GOLGA7B: variants seen among roughly 807,000 people sequenced by gnomAD.
GOLGA7B encodes golgin subfamily A member 7B.
Under a neutral mutation model 21.5 loss-of-function variants are expected in GOLGA7B, and 17 were observed. The ratio of observed to expected loss-of-function variants is 0.79; its 90% confidence interval spans 0.54 to 1.19. The LOEUF (loss-of-function observed/expected upper bound fraction) is 1.19, where lower values mean the gene tolerates loss of function less well. Among genes scored for constraint, GOLGA7B ranks in the 50% most tolerant of loss-of-function variants. The probability of loss-of-function intolerance (pLI) is 0.00; values close to 1 mark genes in which losing one functional copy is unlikely to be tolerated. For synonymous variants in GOLGA7B, 87 were observed against 84.0 expected (o/e 1.04, Z -0.19); for missense variants, 169 against 224.4 (o/e 0.75, Z 1.58).
rs113698087 is a variant in GOLGA7B at position 97,862,999 on chromosome 10, G to C, written c.139-931G>C. On this transcript the variant is annotated intron_variant, in intron 2 of 4. Coordinates refer to ENST00000370602, the MANE Select transcript of GOLGA7B (RefSeq NM_001010917.3). The stretch of plus-strand genomic sequence containing the variant: ...AGACGGGCCCAGGGGTAGCAGGGTC[G>C]GGCCATGGAGGGCCTAGCGGGCATT... Among the ~76,000 whole-genome samples the C allele has an allele frequency of 2.7e-3, 406 of 152,294 alleles. 4 individuals are homozygous for C. Among genetic ancestry groups the C allele is most frequent in the African/African-American group, 9.4e-3 (392 of 41,568 alleles).
chr10:97,850,116 G>T lies in GOLGA7B; in HGVS notation c.-188G>T, dbSNP rs934405428. 5.3e-6 allele frequency: 1 copy of T among 189,928 alleles called. No homozygotes were observed. The highest frequency in any genetic ancestry group is 2.4e-5 in the African/African-American group (1 of 41,742). The allele number at this position is 189,928 out of a possible 1,614,324, so 11.8% of individuals were successfully genotyped here. On this transcript the variant is annotated 5_prime_UTR_variant, in exon 1 of 5. Coordinates refer to ENST00000370602, the MANE Select transcript of GOLGA7B (RefSeq NM_001010917.3). Reference sequence around the variant, plus strand: ...CACAGCGGACAGCGCCGCGCCCCTTGCCTGGACCCAGCCGCCCGCCCGCCC... The same window carrying T: ...CACAGCGGACAGCGCCGCGCCCCTTTCCTGGACCCAGCCGCCCGCCCGCCC...
intron 1 of GOLGA7B, among the ~76,000 whole-genome samples, chr10:97,856,379 G>A (rs372105121): frequency 1.3e-5 from 2 of 152,138 alleles, no homozygotes; most frequent in East Asian, 3.8e-4. Flanking sequence ...ATGGCCTCCA[G>A]CTCCACTCAT....
chr10:97,853,197 T>G (rs184268627), intron 1 of GOLGA7B, among the ~76,000 whole-genome samples: 2 of 152,294 alleles, frequency 1.3e-5, no homozygotes, highest in East Asian at 3.9e-4. Flanking sequence ...GTTTTATCCT[T>G]AGGCCTGACC....
intron 1 of GOLGA7B, among the ~76,000 whole-genome samples, chr10:97,850,756 T>C (rs2049900624): frequency 6.6e-6 from 1 of 152,182 alleles, no homozygotes; most frequent in Non-Finnish European, 1.5e-5. Context: ...ACATCCGCAT[T>C]TCCTTTGCGG....
At position 97,871,296 on chromosome 10, in the gene GOLGA7B, A is replaced by C. The variant is rs2050090908; in HGVS notation, c.*5596A>C. 1 of 152,190 alleles carries C rather than the reference A, an allele frequency of 6.6e-6. No homozygotes were observed. The highest frequency in any genetic ancestry group is 6.5e-5 in the Admixed American group (1 of 15,280). 9.4% of individuals were successfully genotyped at this position (152,190 alleles called of 1,614,324 possible). The stretch of plus-strand genomic sequence containing the variant: ...ACAATGGAGGAAGTGGGAAACTGTG[A>C]AGAGAGTCAGAGGGCTGTGCCAGCT... On this transcript the variant is annotated 3_prime_UTR_variant, in exon 5 of 5. Coordinates refer to ENST00000370602, the MANE Select transcript of GOLGA7B (RefSeq NM_001010917.3).
chr10:97,856,992 A>C (rs919971865), intron 1 of GOLGA7B, among the ~76,000 whole-genome samples: 1 of 152,150 alleles, frequency 6.6e-6, no homozygotes, highest in Non-Finnish European at 1.5e-5. Context: ...TGTCAAAGGC[A>C]TAATTTGCAA....
chr10:97,863,941 G>A lies in GOLGA7B; in HGVS notation c.150G>A (p.Gln50=). The A allele has an allele frequency of 6.2e-7, 1 of 1,612,908 alleles. No individual in the cohort carries two copies. The highest frequency in any genetic ancestry group is 8.5e-7 in the Non-Finnish European group (1 of 1,179,328). Residue 50 remains glutamine (Q), a synonymous_variant, in exon 3 of 5, where the codon CAG becomes CAA. Transcript: ENST00000370602. The part of the protein sequence containing the change: ...PPELDSRIER[Q]LFEETVKTLN... ...GTCCCTTTCTCCAGATCGAGCGGCA[G>A]CTCTTTGAAGAGACTGTGAAGACCC...
chr10:97,858,469 A>G (rs1194911801), intron 1 of GOLGA7B, among the ~76,000 whole-genome samples: 1 of 152,060 alleles, frequency 6.6e-6, no homozygotes, highest in Non-Finnish European at 1.5e-5. Flanking sequence ...GCATATTTCA[A>G]CCAGTGGGAT....
rs891841633 is a variant in GOLGA7B, at chr10:97,870,774, C to G, written c.*5074C>G. On this transcript the variant is annotated 3_prime_UTR_variant, in exon 5 of 5. Coordinates refer to ENST00000370602, the MANE Select transcript of GOLGA7B (RefSeq NM_001010917.3). ...TGTGTGTGAAAATGTAATGTCTGCT[C>G]TGCTGTGGGTGGGCCCTCTAAAAGG... is the stretch of plus-strand genomic sequence containing the variant. 6.6e-6 allele frequency: 1 copy of G among 152,028 alleles called. No individual in the cohort carries two copies. Among genetic ancestry groups the G allele is most frequent in the African/African-American group, 2.4e-5 (1 of 41,388 alleles). 9.4% of individuals were successfully genotyped at this position (152,028 alleles called of 1,614,324 possible).
chr10:97,862,678 T>C (rs1224177443), intron 2 of GOLGA7B, among the ~76,000 whole-genome samples: 3 of 152,112 alleles, frequency 2.0e-5, no homozygotes, highest in Non-Finnish European at 4.4e-5. Flanking sequence ...AAAATTCACA[T>C]ATACATGGAC....
chr10:97,850,636 G>A (rs2049899630), intron 1 of GOLGA7B, among the ~76,000 whole-genome samples: 1 of 152,168 alleles, frequency 6.6e-6, no homozygotes, highest in Admixed American at 6.5e-5. Flanking sequence ...TAGAGGGTTG[G>A]AGACGCGTGT....
In GOLGA7B at chr10:97,867,158, C is replaced by T. The variant is rs2050037133; in HGVS notation, c.*1458C>T. 2 of 152,104 alleles carry T rather than the reference C, an allele frequency of 1.3e-5. No individual in the cohort carries two copies. Among genetic ancestry groups the T allele is most frequent in the South Asian group, 4.1e-4 (2 of 4,822 alleles). The allele number at this position is 152,104 out of a possible 1,614,324, so 9.4% of individuals were successfully genotyped here. ...TTCAGCCTGCCCAGGGGCTGGGGCT[C>T]TTTAAGGCTTTGTAGGTGAGGTTTC... is the stretch of plus-strand genomic sequence containing the variant. On this transcript the variant is annotated 3_prime_UTR_variant, in exon 5 of 5. Transcript: ENST00000370602.
At position 97,850,294 on chromosome 10, in the gene GOLGA7B, C is replaced by T. The variant is rs1478150434; in HGVS notation, c.-10C>T. ...CCGGCCCCGCGACAGCCTCCGAGCG[C>T]CCCCGGATCATGGCCACCGAGGTAG... On this transcript the variant is annotated 5_prime_UTR_variant, in exon 1 of 5. Coordinates refer to ENST00000370602, the MANE Select transcript of GOLGA7B (RefSeq NM_001010917.3). 2.6e-6 allele frequency: 4 copies of T among 1,511,764 alleles called. No homozygotes were observed. The highest frequency in any genetic ancestry group is 2.5e-5 in the South Asian group (2 of 80,720). The allele number at this position is 1,511,764 out of a possible 1,614,324, so 93.6% of individuals were successfully genotyped here. A position where few individuals can be genotyped will look rare whatever the true frequency, so the allele number is the denominator to read the frequency against.
In GOLGA7B at chr10:97,849,975, GC is replaced by G. The variant is rs1015706707; in HGVS notation, c.-327del. On this transcript the variant is annotated 5_prime_UTR_variant, in exon 1 of 5. Coordinates refer to ENST00000370602, the MANE Select transcript of GOLGA7B (RefSeq NM_001010917.3). ...TCCCCCGGCCGCCCCCATCCCCGCC[GC>G]CGCCGCCGCCAAAGCTAAACCCGGC... Among the ~76,000 whole-genome samples, 6 of 143,146 alleles carry G rather than the reference GC, an allele frequency of 4.2e-5. No homozygotes were observed. Among genetic ancestry groups the G allele is most frequent in the African/African-American group, 1.5e-4 (6 of 39,110 alleles). 93.9% of individuals were successfully genotyped at this position (143,146 alleles called of 152,430 possible). A position where few individuals can be genotyped will look rare whatever the true frequency, so the allele number is the denominator to read the frequency against.
At position 97,850,262 on chromosome 10, in the gene GOLGA7B, C is replaced by G; in HGVS notation, c.-42C>G. ...CCCGGGGTCAGCACCGCGGAGACCC[C>G]CCTCGCCCGGCCCCGCGACAGCCTC... On this transcript the variant is annotated 5_prime_UTR_variant, in exon 1 of 5. Transcript: ENST00000370602. 6.9e-7 allele frequency: 1 copy of G among 1,448,480 alleles called. No homozygotes were observed. The highest frequency in any genetic ancestry group is 9.1e-7 in the Non-Finnish European group (1 of 1,095,040). The allele number at this position is 1,448,480 out of a possible 1,614,324, so 89.7% of individuals were successfully genotyped here.
At chr10:97,857,706 T>C (rs1359496644) in intron 1 of GOLGA7B, among the ~76,000 whole-genome samples, 1 of 152,136 alleles carries the variant, frequency 6.6e-6, no homozygotes, top group Non-Finnish European at 1.5e-5. Context: ...AGAACAATCC[T>C]ATGCAAAGAA....
chr10:97,857,118 G>A (rs546793354), intron 1 of GOLGA7B, among the ~76,000 whole-genome samples: 8 of 152,060 alleles, frequency 5.3e-5, no homozygotes, highest in South Asian at 2.1e-4. Context: ...TGTTCCATTT[G>A]CTTTTGGGGA....
chr10:97,861,613 C>T (rs1173433880), intron 2 of GOLGA7B, among the ~76,000 whole-genome samples: 1 of 152,246 alleles, frequency 6.6e-6, no homozygotes, highest in Non-Finnish European at 1.5e-5. Flanking sequence ...GTGTCCTCAG[C>T]TTTCATCCTA....
In GOLGA7B at chr10:97,870,487, C is replaced by G. The variant is rs1391142181; in HGVS notation, c.*4787C>G. 1 of 152,104 alleles carries G rather than the reference C, an allele frequency of 6.6e-6. No homozygotes were observed. The highest frequency in any genetic ancestry group is 1.5e-5 in the Non-Finnish European group (1 of 68,036). 9.4% of individuals were successfully genotyped at this position (152,104 alleles called of 1,614,324 possible). A position where few individuals can be genotyped will look rare whatever the true frequency, so the allele number is the denominator to read the frequency against. On this transcript the variant is annotated 3_prime_UTR_variant, in exon 5 of 5. Transcript: ENST00000370602. ...TGGGGACCTGGGGGGCTTCTGGGAG[C>G]TCAGGATGTTCTGTTTCTTGATCAG... is the stretch of plus-strand genomic sequence containing the variant.
Sources: allele counts gnomAD v4.1 joint callset (sites outside exome capture counted in the v4.1 genomes callset), GRCh38; gene constraint gnomAD v4.1.1; transcripts MANE v1.5; gene names NCBI Gene and HGNC (gene_info 2026-07-23, HGNC 2026-07-21).